C8orf34: variants seen among roughly 807,000 people sequenced by gnomAD.
C8orf34 encodes the protein uncharacterized protein C8orf34.
A neutral mutation model predicts 68.3 loss-of-function variants in C8orf34; 65 were observed. The observed-to-expected ratio is 0.95, with a 90% CI of 0.78 to 1.17. The LOEUF is 1.17. Ranked by LOEUF, C8orf34 falls within the 50% of genes most tolerant of loss-of-function variation. The pLI, the probability that C8orf34 is intolerant of heterozygous loss-of-function variation, is 0.00. For synonymous variants in C8orf34, 244 were observed against 241.2 expected (o/e 1.01, Z -0.11); for missense variants, 664 against 655.4 (o/e 1.01, Z -0.14).
chr8:68,463,122 C>G (rs1312014825), intron 3 of C8orf34, among the ~76,000 whole-genome samples: 3 of 152,008 alleles, frequency 2.0e-5, no homozygotes, highest in African/African-American at 7.3e-5. Flanking sequence ...ACCACTGATC[C>G]CACAGAAATG....
At chr8:68,535,890 C>T (rs1586338177) in intron 7 of C8orf34, 1 of 978,394 alleles carries the variant, frequency 1.0e-6, no homozygotes, top group South Asian at 4.7e-5. Flanking sequence ...ATAGAAGATA[C>T]TGAGTAAAGT....
chr8:68,610,171 C>A (rs1817976019), intron 7 of C8orf34, among the ~76,000 whole-genome samples: 1 of 152,130 alleles, frequency 6.6e-6, no homozygotes, highest in South Asian at 2.1e-4. Flanking sequence ...TAAGCCTCAA[C>A]ATAATTTTTT....
chr8:68,708,578 T>C (rs557998632), intron 8 of C8orf34, among the ~76,000 whole-genome samples: 8 of 152,316 alleles, frequency 5.3e-5, no homozygotes, highest in Admixed American at 3.3e-4. Flanking sequence ...ATTTGCAAGA[T>C]TGTGCTTGAT....
At chr8:68,627,525 A>T (rs554901134) in intron 7 of C8orf34, among the ~76,000 whole-genome samples, 3 of 152,170 alleles carry the variant, frequency 2.0e-5, no homozygotes, top group Non-Finnish European at 2.9e-5. Flanking sequence ...TCAAACCTTC[A>T]CAGGGTGACA....
At chr8:68,449,046 A>G (rs186528041) in intron 3 of C8orf34, among the ~76,000 whole-genome samples, 1 of 152,244 alleles carries the variant, frequency 6.6e-6, no homozygotes, top group African/African-American at 2.4e-5. Flanking sequence ...AAACAGAATA[A>G]ATTGACTGAA....
At chr8:68,605,439 T>C (rs1234963957) in intron 7 of C8orf34, among the ~76,000 whole-genome samples, 1 of 152,152 alleles carries the variant, frequency 6.6e-6, no homozygotes, top group East Asian at 1.9e-4. Flanking sequence ...TTCATAATTT[T>C]CAAACCTCGG....
intron 5 of C8orf34, among the ~76,000 whole-genome samples, chr8:68,506,158 A>G (rs529340390): frequency 3.3e-5 from 5 of 152,270 alleles, no homozygotes; most frequent in African/African-American, 1.2e-4. Flanking sequence ...ACACTCAGAT[A>G]CAAAATTAGA....
chr8:68,752,384 G>A (rs903677031), intron 10 of C8orf34, among the ~76,000 whole-genome samples: 1 of 152,084 alleles, frequency 6.6e-6, no homozygotes, highest in Non-Finnish European at 1.5e-5. Context: ...CTTTGACCTG[G>A]TTCTACTGTG....
intron 1 of C8orf34, among the ~76,000 whole-genome samples, chr8:68,379,836 TG>T (rs1345652275): frequency 6.6e-5 from 10 of 152,132 alleles, no homozygotes; most frequent in African/African-American, 9.7e-5. Flanking sequence ...TCACGCTTCT[TG>T]TTGCATGGTT....
intron 7 of C8orf34, among the ~76,000 whole-genome samples, chr8:68,593,406 A>C (rs1817453695): frequency 1.3e-5 from 2 of 152,082 alleles, no homozygotes; most frequent in African/African-American, 2.4e-5. Context: ...CAGTTTTTTA[A>C]TACAGAGGCT....
chr8:68,380,213 T>C (rs1461238729), intron 1 of C8orf34, among the ~76,000 whole-genome samples: 1 of 152,188 alleles, frequency 6.6e-6, no homozygotes, highest in Non-Finnish European at 1.5e-5. Context: ...GAAAATGTCT[T>C]TGAAGCCATT....
At chr8:68,468,860 A>G (rs746340923) in intron 4 of C8orf34, 40 bp downstream of exon 4, 5 of 1,586,864 alleles carry the variant, frequency 3.2e-6, no homozygotes. Flanking sequence ...ACTCCTAACC[A>G]ATATTAAAGC....
At position 68,533,609 on chromosome 8, in the gene C8orf34, G is replaced by T. The variant is rs1272991755; in HGVS notation, c.1105+460G>T. Reference sequence around the variant, plus strand: ...TGAAAGGGGCAGATAGTAAATTCAGGTTTTATGTTTTCCGTAAATGACGGG... The same window carrying T: ...TGAAAGGGGCAGATAGTAAATTCAGTTTTTATGTTTTCCGTAAATGACGGG... On this transcript the variant is annotated intron_variant, in intron 7 of 13. Transcript: ENST00000518698. 3.0e-6 allele frequency: 3 copies of T among 985,198 alleles called. No individual in the cohort carries two copies. The African/African-American group carries it at 5.2e-5, about 17-fold the overall frequency. The allele number at this position is 985,198 out of a possible 1,614,324, so 61.0% of individuals were successfully genotyped here.
chr8:68,544,798 C>T (rs956085392), intron 7 of C8orf34, among the ~76,000 whole-genome samples: 9 of 150,974 alleles, frequency 6.0e-5, no homozygotes, highest in African/African-American at 7.3e-5. Flanking sequence ...TCAAATAATT[C>T]GGAAAAAAAA....
intron 1 of C8orf34, among the ~76,000 whole-genome samples, chr8:68,348,138 G>A (rs1224917461): frequency 6.6e-6 from 1 of 151,752 alleles, no homozygotes; most frequent in Non-Finnish European, 1.5e-5. Flanking sequence ...TGATTTTTGT[G>A]TATGATGTAA....
chr8:68,668,021 T>G (rs1333052710), intron 8 of C8orf34, among the ~76,000 whole-genome samples: 1 of 152,146 alleles, frequency 6.6e-6, no homozygotes, highest in Non-Finnish European at 1.5e-5. Flanking sequence ...GGAAGACAGA[T>G]ATCTAATAAT....
At chr8:68,791,476 G>A (rs988288735) in intron 12 of C8orf34, 2 of 152,410 alleles carry the variant, frequency 1.3e-5, no homozygotes, top group East Asian at 1.9e-4. Context: ...TGGGTTCAAT[G>A]CTTACAAAAT....
intron 8 of C8orf34, among the ~76,000 whole-genome samples, chr8:68,656,465 G>C (rs1007299473): frequency 8.5e-5 from 13 of 152,170 alleles, no homozygotes; most frequent in Non-Finnish European, 1.8e-4. Flanking sequence ...CATGAACCCA[G>C]TGCTTCTGAT....
intron 7 of C8orf34, among the ~76,000 whole-genome samples, chr8:68,616,809 C>T (rs1350823108): frequency 2.0e-5 from 3 of 152,104 alleles, no homozygotes; most frequent in Non-Finnish European, 4.4e-5. Flanking sequence ...ATTAGGTCCG[C>T]TTGGTGCAGA....
Sources: gnomAD v4.1 joint callset for allele counts (sites outside exome capture counted in the v4.1 genomes callset) on GRCh38, gnomAD v4.1.1 for gene constraint, MANE v1.5 for transcripts, NCBI Gene and HGNC (gene_info 2026-07-23, HGNC 2026-07-21) for gene names.